The following DYNC2I2 variants were observed in gnomAD, a reference collection of about 807,000 sequenced individuals.
DYNC2I2 encodes the protein cytoplasmic dynein 2 intermediate chain 2.
A neutral mutation model predicts 52.0 loss-of-function variants in DYNC2I2; 39 were observed. That is an observed-to-expected ratio of 0.75 (90% CI 0.58 to 0.98). The LOEUF (loss-of-function observed/expected upper bound fraction) is 0.98. Among genes scored for constraint, DYNC2I2 ranks in the 50% least tolerant of loss-of-function variants. The pLI, the probability that DYNC2I2 is intolerant of heterozygous loss-of-function variation, is 0.00. For missense variants in DYNC2I2, 743 were observed against 728.4 expected, an observed-to-expected ratio of 1.02 and a Z score of -0.23; for synonymous variants, 359 against 321.1, an observed-to-expected ratio of 1.12 and a Z score of -1.26.
intron 1 of DYNC2I2, among the ~76,000 whole-genome samples, chr9:128,647,368 C>A (rs563145715): frequency 1.3e-5 from 2 of 152,230 alleles, no homozygotes; most frequent in East Asian, 3.9e-4. Context: ...GAGTCAGGAT[C>A]CTCACTTCCT....
chr9:128,674,171 T>C, the DYNC2I2 span, among the ~76,000 whole-genome samples: 1 of 151,780 alleles, frequency 6.6e-6, no homozygotes, highest in African/African-American at 2.4e-5. Flanking sequence ...AGTCTCGCTC[T>C]GTTGCCCAGG....
chr9:128,636,306 G>A lies in DYNC2I2; in HGVS notation c.678C>T (p.His226=). 3 of 1,584,284 alleles carry A rather than the reference G, an allele frequency of 1.9e-6. No homozygotes were observed. Among genetic ancestry groups the A allele is most frequent in the South Asian group, 1.2e-5 (1 of 86,806 alleles). Residue 226 remains histidine (H), a synonymous_variant, in exon 4 of 9, where the codon CAC becomes CAT. Transcript: ENST00000372715. The part of the protein sequence containing the change: ...VPSAVLCLAF[H]PTQPSHVAGG... ...CTGCGACGTGGGAGGGCTGCGTGGGGTGGAAGGCCAGACACAGGACAGCGC... is the reference window on the plus strand; with the variant it reads ...CTGCGACGTGGGAGGGCTGCGTGGGATGGAAGGCCAGACACAGGACAGCGC...
intron 2 of DYNC2I2, 41 bp from the exon 3 acceptor site, chr9:128,637,068 AG>A (rs748571529): frequency 2.6e-6 from 4 of 1,511,488 alleles, no homozygotes; most frequent in East Asian, 4.6e-5. Context: ...AGCCACCAGC[AG>A]GGGCCTCATG....
the DYNC2I2 span, among the ~76,000 whole-genome samples, chr9:128,675,240 C>T: frequency 1.3e-5 from 2 of 152,024 alleles, no homozygotes; most frequent in South Asian, 2.1e-4. Flanking sequence ...TGCAGTGGCG[C>T]GATCTCAGCT....
intron 1 of DYNC2I2, among the ~76,000 whole-genome samples, chr9:128,647,861 C>T (rs1382288947): frequency 2.0e-5 from 3 of 152,056 alleles, no homozygotes; most frequent in Non-Finnish European, 4.4e-5. Context: ...GCAGGGTCCA[C>T]CCTCTTGAGA....
chr9:128,645,740 T>C (rs1486562913), intron 1 of DYNC2I2, among the ~76,000 whole-genome samples: 1 of 151,764 alleles, frequency 6.6e-6, no homozygotes, highest in Non-Finnish European at 1.5e-5. Flanking sequence ...TGATTAAGCT[T>C]AGTGAGGAGG....
the DYNC2I2 span, among the ~76,000 whole-genome samples, chr9:128,677,132 G>A: frequency 1.3e-5 from 2 of 151,580 alleles, no homozygotes; most frequent in East Asian, 3.9e-4. Flanking sequence ...ACAGGCGTGA[G>A]CCACCATGCC....
the DYNC2I2 span, among the ~76,000 whole-genome samples, chr9:128,680,241 A>G: frequency 1.3e-5 from 2 of 150,472 alleles, no homozygotes; most frequent in African/African-American, 2.5e-5. Context: ...TTGTATTTTT[A>G]ATAGAGACGG....
chr9:128,640,756 T>A lies in DYNC2I2; in HGVS notation c.370A>T (p.Asn124Tyr). 3 of 1,614,182 alleles carry A rather than the reference T, an allele frequency of 1.9e-6. No individual in the cohort carries two copies. Among genetic ancestry groups the A allele is most frequent in the Non-Finnish European group, 2.5e-6 (3 of 1,180,032 alleles). The change falls in exon 2 of 9, where the codon AAC becomes TAC. Residue 124 changes from asparagine to tyrosine, a missense_variant. Physicochemically the swap from Asn to Tyr is moderately radical, Grantham distance 143. Transcript: ENST00000372715. ...AACGCGTGGCTCTGCCAATTCTTGT[T>A]CAGCTCTCGGATGACCATGGCCTCC... ...RVEAMVIRELNKNWQSHAFDG... is the reference protein window; with the variant it reads ...RVEAMVIRELYKNWQSHAFDG...
chr9:128,649,699 A>AC (rs1860689007), intron 1 of DYNC2I2, among the ~76,000 whole-genome samples: 1 of 145,188 alleles, frequency 6.9e-6, no homozygotes, highest in Non-Finnish European at 1.5e-5. Context: ...AAAAAAAAAA[A>AC]AAAAAAAAAA....
chr9:128,665,331 G>A, the DYNC2I2 span, among the ~76,000 whole-genome samples: 2 of 152,056 alleles, frequency 1.3e-5, no homozygotes, highest in African/African-American at 2.4e-5. Flanking sequence ...GAATACAGGC[G>A]TGAGCCACCG....
the DYNC2I2 span, among the ~76,000 whole-genome samples, chr9:128,682,211 G>A: frequency 2.6e-5 from 4 of 151,874 alleles, no homozygotes; most frequent in Non-Finnish European, 5.9e-5. Context: ...ACCACGCCCG[G>A]CTAATTTTTT....
At chr9:128,661,067 C>T (rs552444809), upstream of DYNC2I2, among the ~76,000 whole-genome samples, 2 of 151,962 alleles carry the variant, frequency 1.3e-5, no homozygotes, top group South Asian at 2.1e-4. Flanking sequence ...TTGAGCCGGC[C>T]GCAATGTTTC....
the DYNC2I2 span, among the ~76,000 whole-genome samples, chr9:128,677,186 G>C: frequency 6.7e-6 from 1 of 148,832 alleles, no homozygotes; most frequent in Non-Finnish European, 1.5e-5. Context: ...AAAGGGCCAG[G>C]TGCCATAGCT....
chr9:128,639,868 G>GT (rs2132153019), intron 2 of DYNC2I2, among the ~76,000 whole-genome samples: 1 of 152,102 alleles, frequency 6.6e-6, no homozygotes, highest in South Asian at 2.1e-4. Context: ...GTTTCACTAT[G>GT]TTGGCCAGGC....
At chr9:128,674,281 C>T in the DYNC2I2 span, among the ~76,000 whole-genome samples, 2 of 150,848 alleles carry the variant, frequency 1.3e-5, no homozygotes, top group East Asian at 3.9e-4. Context: ...ACTACAGGCG[C>T]CCGCCACCAC....
At chr9:128,683,794 G>A in the DYNC2I2 span, 1 of 981,140 alleles carries the variant, frequency 1.0e-6, no homozygotes, top group Non-Finnish European at 1.5e-6. Context: ...GGCGGCTCCA[G>A]TGCAGATTTA....
intron 1 of DYNC2I2, among the ~76,000 whole-genome samples, chr9:128,641,894 C>A (rs557130086): frequency 6.6e-6 from 1 of 152,170 alleles, no homozygotes; most frequent in Non-Finnish European, 1.5e-5. Context: ...GCCAGCCCCC[C>A]AGCATAAGAC....
intron 1 of DYNC2I2, among the ~76,000 whole-genome samples, chr9:128,654,871 ATC>A (rs1860785886): frequency 6.6e-6 from 1 of 152,062 alleles, no homozygotes; most frequent in Admixed American, 6.6e-5. Flanking sequence ...AGTCCTTCCA[ATC>A]TCTCAGCTTT....
Sources: gnomAD v4.1 joint callset for allele counts (sites outside exome capture counted in the v4.1 genomes callset) on GRCh38, gnomAD v4.1.1 for gene constraint, MANE v1.5 for transcripts, NCBI Gene and HGNC (gene_info 2026-07-23, HGNC 2026-07-21) for gene names.